The following PUDP variants were observed in gnomAD, a reference collection of about 807,000 sequenced individuals.
PUDP encodes the protein pseudouridine-5'-phosphatase.
Under a neutral mutation model 9.4 loss-of-function variants are expected in PUDP, and 8 were observed. The ratio of observed to expected loss-of-function variants is 0.85; its 90% confidence interval spans 0.50 to 1.53. PUDP has a LOEUF of 1.53. PUDP is among the 40% of genes most tolerant of loss of function. The pLI is 0.00. For synonymous variants in PUDP, 99 were observed against 80.7 expected (o/e 1.23, Z -1.22); for missense variants, 188 against 189.7 (o/e 0.99, Z 0.05).
At position 6,847,219 on chromosome X, in the gene PUDP, T is replaced by C. The variant is rs1031684340; in HGVS notation, c.*247+129914A>G. On this transcript the variant is annotated intron_variant and NMD_transcript_variant, in intron 3 of 3. Coordinates refer to the PUDP transcript ENST00000655425. ...CCTTCCCTTTCTCGAAGGCAGGTTG[T>C]CAGGAATTGACATTTGATTATGCAA... Among the ~76,000 whole-genome samples the C allele has an allele frequency of 1.2e-4, 13 of 111,505 alleles. No homozygotes were observed. In the Admixed American group the frequency reaches 1.2e-3, roughly 11 times the overall value.
intron 1 of PUDP, among the ~76,000 whole-genome samples, chrX:7,136,696 ACC>A (rs60135390): frequency 5.1e-4 from 37 of 72,045 alleles, no homozygotes; most frequent in South Asian, 8.6e-4. Flanking sequence ...TGCCAGTGGG[ACC>A]CCCCCCCCCA....
At chrX:6,969,525 G>A (rs1262483108) in intron 3 of PUDP, among the ~76,000 whole-genome samples, 1 of 112,461 alleles carries the variant, frequency 8.9e-6, no homozygotes, top group Non-Finnish European at 1.9e-5. Context: ...ACAACCTATT[G>A]TGTCTGAAAA....
chrX:6,750,737 T>A (rs1213506025), intron 3 of PUDP, among the ~76,000 whole-genome samples: 2 of 112,085 alleles, frequency 1.8e-5, no homozygotes, highest in Non-Finnish European at 3.8e-5. Context: ...TCAGTGGCAG[T>A]TTGGTTATTA....
chrX:6,758,740 A>C (rs1925197221), intron 3 of PUDP, among the ~76,000 whole-genome samples: 1 of 111,378 alleles, frequency 9.0e-6, no homozygotes, highest in African/African-American at 3.3e-5. Flanking sequence ...TCTGAATCAG[A>C]CAAATCATGT....
intron 1 of PUDP, among the ~76,000 whole-genome samples, chrX:6,719,043 G>A (rs1006455291): frequency 2.7e-5 from 3 of 111,147 alleles, no homozygotes; most frequent in Non-Finnish European, 5.7e-5. Context: ...ACCTGGATTG[G>A]AGCCTGTGAG....
intron 1 of PUDP, among the ~76,000 whole-genome samples, chrX:7,000,760 T>C (rs1226337402): frequency 9.2e-6 from 1 of 108,690 alleles, no homozygotes; most frequent in Non-Finnish European, 1.9e-5. Flanking sequence ...TACAGATTCT[T>C]AGCAATTAGG....
intron 1 of PUDP, among the ~76,000 whole-genome samples, chrX:6,988,652 T>C (rs1480606798): frequency 9.0e-6 from 1 of 111,654 alleles, no homozygotes; most frequent in Non-Finnish European, 1.9e-5. Flanking sequence ...TACCCTTATC[T>C]TATCTCCTGC....
At chrX:6,776,402 G>A (rs758064031) in intron 3 of PUDP, among the ~76,000 whole-genome samples, 1 of 110,964 alleles carries the variant, frequency 9.0e-6, no homozygotes, top group Non-Finnish European at 1.9e-5. Flanking sequence ...CATGCAGTGG[G>A]AGCCTGTAGT....
chrX:6,947,579 G>C (rs184788337), intron 3 of PUDP, among the ~76,000 whole-genome samples: 20 of 111,649 alleles, frequency 1.8e-4, no homozygotes, highest in Non-Finnish European at 3.8e-4. Flanking sequence ...GATTCCTTGA[G>C]GCTAGGAATT....
chrX:7,092,797 C>A (rs911609151), intron 2 of PUDP, among the ~76,000 whole-genome samples: 2 of 111,716 alleles, frequency 1.8e-5, no homozygotes, highest in Admixed American at 9.4e-5. Context: ...AGACACCTGT[C>A]TTCCCTGATA....
intron 3 of PUDP, among the ~76,000 whole-genome samples, chrX:6,814,695 C>G (rs1228474307): frequency 1.8e-5 from 2 of 111,652 alleles, no homozygotes; most frequent in African/African-American, 3.3e-5. Flanking sequence ...TTAATTCTGA[C>G]GTGAGTAATT....
intron 3 of PUDP, among the ~76,000 whole-genome samples, chrX:6,852,980 G>A (rs1018101321): frequency 9.0e-6 from 1 of 111,526 alleles, no homozygotes; most frequent in Non-Finnish European, 1.9e-5. Flanking sequence ...ATGAGGGCCA[G>A]GCATCTCTTT....
At chrX:6,900,329 G>GT (rs914670436) in intron 3 of PUDP, among the ~76,000 whole-genome samples, 15 of 106,174 alleles carry the variant, frequency 1.4e-4, no homozygotes, top group Non-Finnish European at 1.6e-4. Flanking sequence ...CACCACTTGG[G>GT]GGGGGGGGCG....
chrX:6,857,112 T>G (rs1280780561), intron 3 of PUDP, among the ~76,000 whole-genome samples: 1 of 112,582 alleles, frequency 8.9e-6, no homozygotes, highest in East Asian at 2.8e-4. Context: ...GGAAATTTAG[T>G]GAACATTGAT....
At chrX:7,111,131 C>G (rs1396394957) in intron 1 of PUDP, among the ~76,000 whole-genome samples, 1 of 111,222 alleles carries the variant, frequency 9.0e-6, no homozygotes, top group Non-Finnish European at 1.9e-5. Flanking sequence ...CTCCTTTGCC[C>G]CTTTCTCCTG....
chrX:6,912,777 G>T (rs1429181587), intron 3 of PUDP, among the ~76,000 whole-genome samples: 1 of 112,181 alleles, frequency 8.9e-6, no homozygotes, highest in African/African-American at 3.2e-5. Flanking sequence ...TCATTTTAGA[G>T]AAATTAGAAT....
At chrX:6,798,812 G>T (rs1378302750) in intron 3 of PUDP, among the ~76,000 whole-genome samples, 1 of 111,664 alleles carries the variant, frequency 9.0e-6, no homozygotes, top group Non-Finnish European at 1.9e-5. Context: ...TAAAGACAGG[G>T]TCTCACTCTG....
At chrX:7,145,043 T>C (rs762373025) in intron 1 of PUDP, among the ~76,000 whole-genome samples, 158 of 111,222 alleles carry the variant, frequency 1.4e-3, no homozygotes, top group Non-Finnish European at 2.7e-3. Context: ...TCCAAGCCAG[T>C]AGCCACCCAC....
At chrX:7,038,607 G>A (rs1929882813) in intron 1 of PUDP, among the ~76,000 whole-genome samples, 1 of 111,674 alleles carries the variant, frequency 9.0e-6, no homozygotes, top group South Asian at 3.8e-4. Context: ...ATTCTTCCCA[G>A]TAGTATAGTG....
Sources: gnomAD v4.1 joint callset for allele counts (sites outside exome capture counted in the v4.1 genomes callset) on GRCh38, gnomAD v4.1.1 for gene constraint, MANE v1.5 for transcripts, NCBI Gene and HGNC (gene_info 2026-07-23, HGNC 2026-07-21) for gene names.